The following CASP2 variants were observed in gnomAD, a reference collection of about 807,000 sequenced individuals.
The protein encoded by CASP2 is caspase-2.
A neutral mutation model predicts 54.4 loss-of-function variants in CASP2; 38 were observed. The observed-to-expected ratio is 0.70, with a 90% CI of 0.54 to 0.92. CASP2 has a LOEUF of 0.92. Ranked by LOEUF, CASP2 falls within the 40% of genes least tolerant of loss-of-function variation. CASP2 has a pLI of 0.00. For missense variants in CASP2, 512 were observed against 579.6 expected (o/e 0.88, Z 1.20); for synonymous variants, 215 against 216.3 (o/e 0.99, Z 0.05).
chr7:143,300,737 C>T, intron 8 of CASP2: 1 of 1,190,872 alleles, frequency 8.4e-7, no homozygotes, highest in Non-Finnish European at 1.1e-6. Flanking sequence ...TGTTTACCTA[C>T]ACTTCCATGC....
intron 6 of CASP2, among the ~76,000 whole-genome samples, chr7:143,297,379 A>G (rs754257063): frequency 4.6e-5 from 7 of 152,140 alleles, no homozygotes; most frequent in Non-Finnish European, 1.0e-4. Context: ...ATTGTTTTCT[A>G]TTTACTGACC....
At chr7:143,289,979 C>T (rs940059018) in intron 1 of CASP2, among the ~76,000 whole-genome samples, 6 of 151,838 alleles carry the variant, frequency 4.0e-5, no homozygotes, top group Non-Finnish European at 8.8e-5. Flanking sequence ...CACCCAATAG[C>T]ATCTGCAAGC....
chr7:143,303,566 GC>G (rs1447872580), intron 8 of CASP2: 7 of 487,712 alleles, frequency 1.4e-5, no homozygotes, highest in Admixed American at 6.6e-5. Flanking sequence ...TGAGCGTGGT[GC>G]CCGGTGTGTA....
At chr7:143,295,149 T>C (rs1801705467) in intron 6 of CASP2, among the ~76,000 whole-genome samples, 1 of 152,158 alleles carries the variant, frequency 6.6e-6, no homozygotes, top group African/African-American at 2.4e-5. Flanking sequence ...TGCCTCAGCT[T>C]CCTGAGTAGC....
intron 9 of CASP2, 37 bp from the exon 10 acceptor site, chr7:143,304,637 G>T: frequency 6.9e-7 from 1 of 1,451,158 alleles, no homozygotes; most frequent in Admixed American, 1.7e-5. Context: ...GCTGTGTGAT[G>T]GCATTCACAC....
rs185135927 is a variant in CASP2 at position 143,300,639 on chromosome 7, G to A, written c.967+345G>A. On this transcript the variant is annotated intron_variant, in intron 8 of 10. Coordinates refer to ENST00000310447, the MANE Select transcript of CASP2 (RefSeq NM_032982.4). The stretch of plus-strand genomic sequence containing the variant: ...TTTTTTGGTTACTCATTCCAGTTAC[G>A]GATTTTTGATCTGTCTTTTTCCTGT... The A allele has an allele frequency of 3.5e-4, 452 of 1,295,008 alleles. 6 individuals are homozygous for A. The African/African-American group carries it at 6.0e-3, about 17-fold the overall frequency. The allele number at this position is 1,295,008 out of a possible 1,614,324, so 80.2% of individuals were successfully genotyped here. A position where few individuals can be genotyped will look rare whatever the true frequency, so the allele number is the denominator to read the frequency against.
chr7:143,290,314 A>C (rs1291288436), intron 1 of CASP2, among the ~76,000 whole-genome samples: 1 of 152,078 alleles, frequency 6.6e-6, no homozygotes, highest in Non-Finnish European at 1.5e-5. Context: ...TGCCCACCTT[A>C]GCCTCCCAAA....
rs4647288 is a variant in CASP2 at position 143,291,633 on chromosome 7, G to A, written c.168G>A (p.Leu56=). ...VLAKQLLLSE[L]LEHLLEKDII... ...CCAAACAGCTGTTGTTGAGCGAATT[G>A]TTAGAACATCTTCTGGAGAAGGACA... The change falls in exon 2 of 11, where the codon TTG becomes TTA. Residue 56 remains leucine, a synonymous_variant. Transcript: ENST00000310447. 0.027 allele frequency: 43,044 copies of A among 1,613,876 alleles called. 697 individuals carry two copies. The highest frequency in any genetic ancestry group is 0.053 in the Middle Eastern group (322 of 6,060).
chr7:143,291,225 G>C (rs1801545917), intron 1 of CASP2, among the ~76,000 whole-genome samples: 1 of 152,176 alleles, frequency 6.6e-6, no homozygotes, highest in Non-Finnish European at 1.5e-5. Context: ...GTCTATCAGA[G>C]AAGTATTCCT....
chr7:143,303,438 C>A, intron 8 of CASP2: 1 of 197,044 alleles, frequency 5.1e-6, no homozygotes, highest in Non-Finnish European at 1.1e-5. Flanking sequence ...GTTAATTGAA[C>A]AAGTGAGTTG....
At chr7:143,302,487 C>T (rs1034726255) in intron 8 of CASP2, 1 of 152,216 alleles carries the variant, frequency 6.6e-6, no homozygotes, top group African/African-American at 2.4e-5. Context: ...CTCCACCCCC[C>T]TGCCCCAGTC....
chr7:143,292,748 C>T (rs747635773), intron 4 of CASP2, 50 bp downstream of exon 4: 6 of 1,473,492 alleles, frequency 4.1e-6, no homozygotes, highest in Admixed American at 1.7e-5. Context: ...CCACGGCTTA[C>T]GCCTATAATC....
chr7:143,292,371 T>C lies in CASP2; in HGVS notation c.297T>C (p.Phe99=). The change falls in exon 3 of 11, where the codon TTT becomes TTC. Residue 99 remains phenylalanine, a synonymous_variant. Transcript: ENST00000310447. Reference sequence around the variant, plus strand: ...TGCCTAAGAGGGGTCCCCAAGCTTTTGATGCCTTCTGTGAAGCACTGAGGG... The same window carrying C: ...TGCCTAAGAGGGGTCCCCAAGCTTTCGATGCCTTCTGTGAAGCACTGAGGG... ...NLLPKRGPQA[F]DAFCEALRET... 1 of 1,614,220 alleles carries C rather than the reference T, an allele frequency of 6.2e-7. No individual in the cohort carries two copies. The highest frequency in any genetic ancestry group is 8.5e-7 in the Non-Finnish European group (1 of 1,180,044).
intron 6 of CASP2, among the ~76,000 whole-genome samples, chr7:143,297,209 A>T (rs1309943425): frequency 6.6e-6 from 1 of 152,236 alleles, no homozygotes; most frequent in Non-Finnish European, 1.5e-5. Flanking sequence ...GAACCCTGCT[A>T]TTTATAGAAG....
rs1256548660 is a variant in CASP2, at chr7:143,294,761, C to A, written c.735C>A (p.Asp245Glu). Residue 245 changes from aspartate (D) to glutamate (E), a missense_variant, in exon 6 of 11, where the codon GAC (aspartate) becomes GAA (glutamate). Asp to Glu is a conservative substitution (Grantham distance 45). Coordinates refer to ENST00000310447, the MANE Select transcript of CASP2 (RefSeq NM_032982.4). ...GCTATGACGTCCATGTTCTATGTGA[C>A]CAGACTGCACAGGTACCTGAGGTGG... Reference protein sequence around the residue: ...LLGYDVHVLCDQTAQEMQEKL... With the variant: ...LLGYDVHVLCEQTAQEMQEKL... The A allele has an allele frequency of 6.2e-7, 1 of 1,614,030 alleles. No homozygotes were observed. The highest frequency in any genetic ancestry group is 8.5e-7 in the Non-Finnish European group (1 of 1,179,928).
chr7:143,296,733 CAA>C (rs11297426), intron 6 of CASP2, among the ~76,000 whole-genome samples: 153 of 138,700 alleles, frequency 1.1e-3, no homozygotes, highest in African/African-American at 2.8e-3. Context: ...GAAACAGAAC[CAA>C]AAAAAAAAAA....
At chr7:143,296,399 A>G (rs1255133721) in intron 6 of CASP2, among the ~76,000 whole-genome samples, 1 of 152,176 alleles carries the variant, frequency 6.6e-6, no homozygotes, top group African/African-American at 2.4e-5. Flanking sequence ...TTATATTCCT[A>G]ACGACCAAAC....
Position 143,292,708 on chromosome 7 carries a change from GA to G in CASP2, c.475+11del, listed in dbSNP as rs777915103. On this transcript the variant is annotated intron_variant, in intron 4 of 10. Coordinates refer to ENST00000310447, the MANE Select transcript of CASP2 (RefSeq NM_032982.4). ...CTCCGCCTGTCGACAGGTGAGAATTGATGGACTAAAAGGGGTCCCAGGCCAG... is the reference window on the plus strand; with the variant it reads ...CTCCGCCTGTCGACAGGTGAGAATTGTGGACTAAAAGGGGTCCCAGGCCAG... 16 of 1,609,718 alleles carry G rather than the reference GA, an allele frequency of 9.9e-6. No homozygotes were observed. The highest frequency in any genetic ancestry group is 1.4e-5 in the Non-Finnish European group (16 of 1,177,710).
rs773494708 is a variant in CASP2, at chr7:143,292,667, T to C, written c.444T>C (p.Cys148=). ...TCCCTTTTCCGGTGTGTGAGTCCTG[T>C]CCCCTTTACAAGAAGCTCCGCCTGT... ...LSLPFPVCES[C]PLYKKLRLST... is the part of the protein sequence containing the mutation. Residue 148 remains cysteine (C), a synonymous_variant, in exon 4 of 11, where the codon TGT becomes TGC. Coordinates refer to ENST00000310447, the MANE Select transcript of CASP2 (RefSeq NM_032982.4). 6.2e-7 allele frequency: 1 copy of C among 1,613,158 alleles called. No homozygotes were observed. Among genetic ancestry groups the C allele is most frequent in the Non-Finnish European group, 8.5e-7 (1 of 1,180,002 alleles).
Sources: gnomAD v4.1 joint callset for allele counts (sites outside exome capture counted in the v4.1 genomes callset) on GRCh38, gnomAD v4.1.1 for gene constraint, MANE v1.5 for transcripts, NCBI Gene and HGNC (gene_info 2026-07-23, HGNC 2026-07-21) for gene names.